The following PIERCE2 variants were observed in gnomAD, a reference collection of about 807,000 sequenced individuals.
PIERCE2 encodes piercer of microtubule wall 2, also known as piercer of microtubule wall 2 protein.
the PIERCE2 span, among the ~76,000 whole-genome samples, chr15:55,412,921 G>A: frequency 1.3e-5 from 2 of 152,060 alleles, no homozygotes; most frequent in Non-Finnish European, 2.9e-5. Context: ...CTTGAGACCA[G>A]GAGTTCAAGA....
chr15:55,418,043 T>C, the PIERCE2 span: 1 of 1,253,412 alleles, frequency 8.0e-7, no homozygotes, highest in Non-Finnish European at 1.1e-6. Context: ...CTTCAGGCCA[T>C]CTGGATGTAT....
At chr15:55,412,788 A>C in the PIERCE2 span, among the ~76,000 whole-genome samples, 1 of 151,936 alleles carries the variant, frequency 6.6e-6, no homozygotes, top group Middle Eastern at 3.4e-3. Flanking sequence ...CAAAAAAAAG[A>C]AAAAGTTGAT....
At chr15:55,412,378 G>A in the PIERCE2 span, among the ~76,000 whole-genome samples, 2 of 152,096 alleles carry the variant, frequency 1.3e-5, no homozygotes, top group Non-Finnish European at 2.9e-5. Context: ...ACTACACTGT[G>A]ATTCTGCCTC....
chr15:55,414,241 T>C, the PIERCE2 span, among the ~76,000 whole-genome samples: 1 of 150,282 alleles, frequency 6.7e-6, no homozygotes, highest in African/African-American at 2.5e-5. Context: ...AGTTTCACTC[T>C]TGTTGCCCCG....
chr15:55,410,125 T>G, the PIERCE2 span, among the ~76,000 whole-genome samples: 1 of 152,234 alleles, frequency 6.6e-6, no homozygotes, highest in East Asian at 1.9e-4. Context: ...GGACCTTTTG[T>G]TTCTGAATCT....
At chr15:55,417,108 T>A in the PIERCE2 span, among the ~76,000 whole-genome samples, 4 of 152,164 alleles carry the variant, frequency 2.6e-5, no homozygotes, top group Non-Finnish European at 5.9e-5. Context: ...CAAAGTAATT[T>A]TACTAGAATT....
chr15:55,414,338 T>G, the PIERCE2 span, among the ~76,000 whole-genome samples: 1 of 151,280 alleles, frequency 6.6e-6, no homozygotes, highest in African/African-American at 2.4e-5. Context: ...GCCTCCCGAG[T>G]AGCTGGGATT....
At chr15:55,412,292 C>T in the PIERCE2 span, among the ~76,000 whole-genome samples, 2 of 152,056 alleles carry the variant, frequency 1.3e-5, no homozygotes, top group African/African-American at 4.8e-5. Flanking sequence ...TTGTGCTACT[C>T]TTCCAATATA....
chr15:55,418,693 T>A, the PIERCE2 span: 1 of 682,386 alleles, frequency 1.5e-6, no homozygotes, highest in Non-Finnish European at 2.3e-6. Context: ...ATAAGTTAAA[T>A]AAAGTATTTC....
At chr15:55,408,970 G>T in the PIERCE2 span, among the ~76,000 whole-genome samples, 1 of 152,058 alleles carries the variant, frequency 6.6e-6, no homozygotes, top group African/African-American at 2.4e-5. Flanking sequence ...GCCTCTGAAG[G>T]TGTAAAGACC....
At chr15:55,416,040 C>CA in the PIERCE2 span, among the ~76,000 whole-genome samples, 1 of 152,046 alleles carries the variant, frequency 6.6e-6, no homozygotes, top group African/African-American at 2.4e-5. Flanking sequence ...TTTCAGGATT[C>CA]AGTCATGACA....
the PIERCE2 span, among the ~76,000 whole-genome samples, chr15:55,409,358 T>C: frequency 1.3e-5 from 2 of 152,020 alleles, no homozygotes; most frequent in South Asian, 2.1e-4. Flanking sequence ...TGAGCCGAGA[T>C]TGCGCCACTG....
chr15:55,418,717 A>C, the PIERCE2 span: 1 of 567,396 alleles, frequency 1.8e-6, no homozygotes, highest in Non-Finnish European at 3.0e-6. Context: ...TGATAACTAC[A>C]TGACAGTGAC....
chr15:55,408,893 C>A, the PIERCE2 span: 1 of 713,918 alleles, frequency 1.4e-6, no homozygotes, highest in Non-Finnish European at 2.3e-6. Context: ...CCGAAAAGCA[C>A]TTTACAAGGC....
the PIERCE2 span, among the ~76,000 whole-genome samples, chr15:55,417,266 C>G: frequency 1.3e-5 from 2 of 152,128 alleles, no homozygotes; most frequent in African/African-American, 4.8e-5. Context: ...TATTTTCACC[C>G]TAATTTACTT....
the PIERCE2 span, chr15:55,418,228 G>C: frequency 6.4e-7 from 1 of 1,572,432 alleles, no homozygotes; most frequent in Non-Finnish European, 8.6e-7. Context: ...TTTAGGATAA[G>C]AAAAGTACTT....
the PIERCE2 span, chr15:55,418,330 A>G: frequency 6.5e-7 from 1 of 1,543,350 alleles, no homozygotes; most frequent in Non-Finnish European, 8.7e-7. Context: ...TGTTGGATCC[A>G]AAGACACTCC....
chr15:55,416,229 G>C, the PIERCE2 span, among the ~76,000 whole-genome samples: 1 of 152,018 alleles, frequency 6.6e-6, no homozygotes, highest in East Asian at 1.9e-4. Flanking sequence ...AGCCTCCCGA[G>C]TAGCTGGGAC....
the PIERCE2 span, among the ~76,000 whole-genome samples, chr15:55,417,436 T>G: frequency 6.6e-6 from 1 of 152,156 alleles, no homozygotes; most frequent in Admixed American, 6.6e-5. Context: ...TTTTTTTTCT[T>G]CATAGCAGTT....
Sources: gnomAD v4.1 joint callset for allele counts (sites outside exome capture counted in the v4.1 genomes callset) on GRCh38, gnomAD v4.1.1 for gene constraint, MANE v1.5 for transcripts, NCBI Gene and HGNC (gene_info 2026-07-23, HGNC 2026-07-21) for gene names.